The following PITPNC1 variants were observed in gnomAD, a reference collection of about 807,000 sequenced individuals.
PITPNC1 encodes the protein phosphatidylinositol transfer protein cytoplasmic 1.
In PITPNC1, 18 loss-of-function variants were observed where a neutral mutation model predicts 44.7. The ratio of observed to expected loss-of-function variants is 0.40; its 90% confidence interval spans 0.28 to 0.60. The LOEUF (loss-of-function observed/expected upper bound fraction) is 0.60. Ranked by LOEUF, PITPNC1 falls within the 20% of genes least tolerant of loss-of-function variation. The pLI is 0.39. For synonymous variants in PITPNC1, 141 were observed against 149.6 expected, an observed-to-expected ratio of 0.94 and a Z score of 0.42; for missense variants, 290 against 418.4, an observed-to-expected ratio of 0.69 and a Z score of 2.68.
At chr17:67,566,567 T>G (rs1428035755) in intron 4 of PITPNC1, among the ~76,000 whole-genome samples, 2 of 152,188 alleles carry the variant, frequency 1.3e-5, no homozygotes, top group Non-Finnish European at 2.9e-5. Flanking sequence ...TTCAATTCAG[T>G]TTTTGAAAAT....
At chr17:67,533,852 A>G (rs950611709) in intron 2 of PITPNC1, among the ~76,000 whole-genome samples, 23 of 152,168 alleles carry the variant, frequency 1.5e-4, no homozygotes, top group Middle Eastern at 3.4e-3. Context: ...TGCAAAATAT[A>G]TTCTTTAATC....
intron 4 of PITPNC1, among the ~76,000 whole-genome samples, chr17:67,572,734 G>A (rs1279739995): frequency 6.6e-6 from 1 of 151,622 alleles, no homozygotes; most frequent in Non-Finnish European, 1.5e-5. Flanking sequence ...AGAAATTTCG[G>A]GCTGAGAGTA....
chr17:67,489,839 G>A lies in PITPNC1; in HGVS notation c.49-42963G>A, dbSNP rs116969824. Among the ~76,000 whole-genome samples the A allele has an allele frequency of 6.9e-3, 1,052 of 152,150 alleles. 7 individuals carry two copies. Among genetic ancestry groups the A allele is most frequent in the Non-Finnish European group, 9.4e-3 (641 of 68,016 alleles). ...GCTCACTGAAACCTCTTCCTGCCAG[G>A]TTCTAGCAATCCTCCCACCTTAGCC... On this transcript the variant is annotated intron_variant, in intron 1 of 8. Coordinates refer to ENST00000581322, the MANE Select transcript of PITPNC1 (RefSeq NM_012417.4).
At chr17:67,542,704 AC>A (rs1484802150) in intron 2 of PITPNC1, among the ~76,000 whole-genome samples, 1 of 152,124 alleles carries the variant, frequency 6.6e-6, no homozygotes. Flanking sequence ...TGACCTATGG[AC>A]CTGAACGCAT....
chr17:67,428,253 C>T (rs1161440186), intron 1 of PITPNC1, among the ~76,000 whole-genome samples: 1 of 152,038 alleles, frequency 6.6e-6, no homozygotes, highest in African/African-American at 2.4e-5. Context: ...ACATACTGTG[C>T]CTTGGCTGGG....
intron 1 of PITPNC1, among the ~76,000 whole-genome samples, chr17:67,386,523 A>G (rs1002812014): frequency 3.9e-5 from 6 of 152,200 alleles, no homozygotes; most frequent in African/African-American, 1.2e-4. Context: ...TAAACATTCA[A>G]CCTCTTTAAG....
chr17:67,570,343 T>G (rs1378007875), intron 4 of PITPNC1, among the ~76,000 whole-genome samples: 1 of 152,226 alleles, frequency 6.6e-6, no homozygotes, highest in African/African-American at 2.4e-5. Context: ...TGACATTTCC[T>G]CAGCAGCAGA....
chr17:67,541,874 G>T (rs2040613135), intron 2 of PITPNC1, among the ~76,000 whole-genome samples: 1 of 152,198 alleles, frequency 6.6e-6, no homozygotes, highest in African/African-American at 2.4e-5. Flanking sequence ...AAAGACTTCG[G>T]CTCAGGTTAA....
intron 1 of PITPNC1, among the ~76,000 whole-genome samples, chr17:67,483,246 G>T (rs2039728247): frequency 6.6e-6 from 1 of 152,200 alleles, no homozygotes; most frequent in African/African-American, 2.4e-5. Context: ...TGAACTTGTA[G>T]CCAATTTTAT....
chr17:67,555,433 T>C (rs1248858109), intron 4 of PITPNC1, among the ~76,000 whole-genome samples: 1 of 152,164 alleles, frequency 6.6e-6, no homozygotes, highest in Non-Finnish European at 1.5e-5. Context: ...AATATAAAGC[T>C]GTTAGCACAC....
At position 67,494,174 on chromosome 17, in the gene PITPNC1, T is replaced by TTC. The variant is rs1568012802; in HGVS notation, c.49-38628_49-38627insTC. Among the ~76,000 whole-genome samples, 125 of 64,018 alleles carry TTC rather than the reference T, an allele frequency of 2.0e-3. 4 individuals are homozygous for TTC. Among genetic ancestry groups the TTC allele is most frequent in the African/African-American group, 4.8e-3 (76 of 15,906 alleles). The allele number at this position is 64,018 out of a possible 152,430, so 42.0% of individuals were successfully genotyped here. Reference sequence around the variant, plus strand: ...AATATGTGTAACCTCTTTCTTTCTTTCTTTCTTTCTTTTTCTTTCTTTCTT... The same window carrying TTC: ...AATATGTGTAACCTCTTTCTTTCTTTTCCTTTCTTTCTTTTTCTTTCTTTCTT... On this transcript the variant is annotated intron_variant, in intron 1 of 8. Transcript: ENST00000581322.
chr17:67,415,902 C>T (rs945053581), intron 1 of PITPNC1, among the ~76,000 whole-genome samples: 6 of 120,784 alleles, frequency 5.0e-5, no homozygotes, highest in Non-Finnish European at 1.0e-4. Flanking sequence ...TTGAAAATCA[C>T]GCTTACCTAA....
chr17:67,597,618 G>C lies in PITPNC1; in HGVS notation c.366+19361G>C, dbSNP rs529158614. 5.9e-5 allele frequency among the ~76,000 whole-genome samples: 9 copies of C among 152,300 alleles called. No individual in the cohort carries two copies. The highest frequency in any genetic ancestry group is 1.0e-4 in the Non-Finnish European group (7 of 68,008). On this transcript the variant is annotated intron_variant, in intron 5 of 8. Transcript: ENST00000581322. The surrounding 1 kb of genome is among the most constrained non-coding windows in gnomAD (Gnocchi z 4.0). Reference sequence around the variant, plus strand: ...TCAATCCCTTTGTGTTAAGTTCCTAGTGGAAATTTGAGAAGTCCTTTATTT... The same window carrying C: ...TCAATCCCTTTGTGTTAAGTTCCTACTGGAAATTTGAGAAGTCCTTTATTT...
chr17:67,598,050 C>T (rs1028547747), intron 5 of PITPNC1, among the ~76,000 whole-genome samples: 1 of 152,046 alleles, frequency 6.6e-6, no homozygotes, highest in Non-Finnish European at 1.5e-5. Context: ...GGTGAAACCC[C>T]GTCTCTACTA....
At chr17:67,487,553 G>A (rs985580065) in intron 1 of PITPNC1, among the ~76,000 whole-genome samples, 13 of 152,170 alleles carry the variant, frequency 8.5e-5, no homozygotes, top group African/African-American at 3.1e-4. Context: ...GTGTTTCTCT[G>A]TATCCATCTG....
intron 1 of PITPNC1, among the ~76,000 whole-genome samples, chr17:67,385,124 G>A (rs948723375): frequency 6.6e-6 from 1 of 152,146 alleles, no homozygotes; most frequent in Non-Finnish European, 1.5e-5. Flanking sequence ...TGGACTTCTT[G>A]GTCCGGTGGG....
intron 1 of PITPNC1, among the ~76,000 whole-genome samples, chr17:67,437,641 G>A (rs2038955438): frequency 6.6e-6 from 1 of 152,144 alleles, no homozygotes; most frequent in Non-Finnish European, 1.5e-5. Flanking sequence ...CATGAGAGAG[G>A]CCTCATCAGG....
chr17:67,636,365 G>A (rs2042033142), intron 6 of PITPNC1, among the ~76,000 whole-genome samples: 1 of 152,054 alleles, frequency 6.6e-6, no homozygotes. Flanking sequence ...TACAGGAAGA[G>A]GTGATTGAAG....
intron 1 of PITPNC1, among the ~76,000 whole-genome samples, chr17:67,420,081 G>A (rs1231369905): frequency 6.6e-6 from 1 of 152,156 alleles, no homozygotes; most frequent in African/African-American, 2.4e-5. Flanking sequence ...ATCCCTGAGG[G>A]GTGGTAGAAA....
Sources: allele counts gnomAD v4.1 joint callset (sites outside exome capture counted in the v4.1 genomes callset), GRCh38; gene constraint gnomAD v4.1.1; non-coding constraint Gnocchi (gnomAD v3.1); transcripts MANE v1.5; gene names NCBI Gene and HGNC (gene_info 2026-07-23, HGNC 2026-07-21).